Variants in AKAP7 observed in about 807,000 individuals in gnomAD.
The protein encoded by AKAP7 is A-kinase anchoring protein 7.
AKAP7 carries 39 observed loss-of-function variants against 39.5 expected under a neutral mutation model. That is an observed-to-expected ratio of 0.99 (90% CI 0.76 to 1.29). The LOEUF (loss-of-function observed/expected upper bound fraction) is 1.29. AKAP7 is among the 50% of genes most tolerant of loss of function. The pLI is 0.00. For synonymous variants in AKAP7, 140 were observed against 139.1 expected, an observed-to-expected ratio of 1.01 and a Z score of -0.05; for missense variants, 414 against 407.7, an observed-to-expected ratio of 1.02 and a Z score of -0.13.
At chr6:131,130,704 C>T (rs747167758), upstream of AKAP7, among the ~76,000 whole-genome samples, 4 of 152,132 alleles carry the variant, frequency 2.6e-5, no homozygotes, top group Non-Finnish European at 5.9e-5. Flanking sequence ...GAGGACTTTC[C>T]GGAGTCAAGA....
chr6:131,169,390 AT>A, intron 5 of AKAP7, 117 bp downstream of exon 5: 3 of 1,131,728 alleles, frequency 2.7e-6, no homozygotes, highest in Non-Finnish European at 3.9e-6. Flanking sequence ...AGACTCAAGT[AT>A]TTTTTAGGAC....
intron 7 of AKAP7, among the ~76,000 whole-genome samples, chr6:131,271,097 T>A (rs1814237095): frequency 6.6e-6 from 1 of 152,204 alleles, no homozygotes; most frequent in African/African-American, 2.4e-5. Flanking sequence ...CTCTTTTTTT[T>A]AAAGTTTGTG....
At chr6:131,158,042 A>G (rs1294219753) in intron 2 of AKAP7, among the ~76,000 whole-genome samples, 2 of 152,182 alleles carry the variant, frequency 1.3e-5, no homozygotes, top group Non-Finnish European at 2.9e-5. Context: ...ACGCTGTACT[A>G]TTTTTCTTAG....
intron 7 of AKAP7, among the ~76,000 whole-genome samples, chr6:131,240,727 T>G (rs548228743): frequency 2.6e-5 from 4 of 152,228 alleles, no homozygotes; most frequent in Non-Finnish European, 5.9e-5. Flanking sequence ...TATAATCTCC[T>G]GGTATGCTGT....
chr6:131,157,749 G>A (rs1221056332), intron 2 of AKAP7, among the ~76,000 whole-genome samples: 2 of 152,166 alleles, frequency 1.3e-5, no homozygotes, highest in African/African-American at 2.4e-5. Flanking sequence ...GGTTAGGTGT[G>A]TAAAAGAAGC....
At chr6:131,154,098 C>T (rs916352655) in intron 2 of AKAP7, among the ~76,000 whole-genome samples, 3 of 152,082 alleles carry the variant, frequency 2.0e-5, no homozygotes, top group Non-Finnish European at 2.9e-5. Flanking sequence ...ATTCCAGTTA[C>T]TCGGGAGGCT....
At chr6:131,250,504 C>A in intron 7 of AKAP7, 1 of 1,612,600 alleles carries the variant, frequency 6.2e-7, no homozygotes, top group Non-Finnish European at 8.5e-7. Context: ...GTGCTATAAA[C>A]TGCAATTTCT....
chr6:131,161,777 G>A (rs1192149927), intron 3 of AKAP7, among the ~76,000 whole-genome samples: 1 of 149,660 alleles, frequency 6.7e-6, no homozygotes, highest in East Asian at 2.0e-4. Flanking sequence ...ATACTTGCAA[G>A]TTTGGTTTGA....
intron 5 of AKAP7, among the ~76,000 whole-genome samples, chr6:131,184,104 C>A (rs1011603932): frequency 2.6e-5 from 4 of 152,168 alleles, no homozygotes; most frequent in African/African-American, 9.7e-5. Flanking sequence ...CACAGGTATG[C>A]CTTGGGGCAG....
At chr6:131,242,123 C>G in intron 7 of AKAP7, 1 of 983,920 alleles carries the variant, frequency 1.0e-6, no homozygotes, top group Non-Finnish European at 1.2e-6. Flanking sequence ...GAGAAAACAA[C>G]AGTTTGTCAA....
chr6:131,245,243 CTTT>C (rs1240021057), intron 7 of AKAP7, among the ~76,000 whole-genome samples: 1 of 135,212 alleles, frequency 7.4e-6, no homozygotes, highest in Non-Finnish European at 1.6e-5. Context: ...GAGTTGAATT[CTTT>C]TTTTTTTTTT....
chr6:131,257,021 G>T (rs1305313615), intron 7 of AKAP7, among the ~76,000 whole-genome samples: 2 of 152,098 alleles, frequency 1.3e-5, no homozygotes, highest in African/African-American at 4.8e-5. Flanking sequence ...AAATGGCTCA[G>T]TTTGCACTTT....
At chr6:131,226,540 G>A (rs1344895303) in intron 7 of AKAP7, among the ~76,000 whole-genome samples, 1 of 152,184 alleles carries the variant, frequency 6.6e-6, no homozygotes, top group African/African-American at 2.4e-5. Context: ...AGATATTTTA[G>A]GATTATGAAA....
chr6:131,131,640 C>G (rs551369098), upstream of AKAP7, among the ~76,000 whole-genome samples: 14 of 152,082 alleles, frequency 9.2e-5, no homozygotes, highest in East Asian at 2.7e-3. Context: ...TAGTCTTTGC[C>G]TTCTAGTGGC....
intron 5 of AKAP7, among the ~76,000 whole-genome samples, chr6:131,190,343 A>C (rs1037252871): frequency 6.6e-6 from 1 of 152,168 alleles, no homozygotes. Context: ...GAAATCAATA[A>C]ATTGAAAAGT....
At chr6:131,244,796 T>C (rs1219550536) in intron 7 of AKAP7, among the ~76,000 whole-genome samples, 4 of 152,198 alleles carry the variant, frequency 2.6e-5, no homozygotes, top group Non-Finnish European at 5.9e-5. Context: ...GCACATATGC[T>C]GTATATGGCA....
intron 5 of AKAP7, among the ~76,000 whole-genome samples, chr6:131,193,531 T>A (rs2128275536): frequency 1.3e-5 from 2 of 152,216 alleles, no homozygotes; most frequent in South Asian, 4.1e-4. Flanking sequence ...CTTTGATGTG[T>A]CTTTGTCTGG....
intron 1 of AKAP7, among the ~76,000 whole-genome samples, chr6:131,144,999 GC>G (rs1459635848): frequency 6.6e-6 from 1 of 152,176 alleles, no homozygotes; most frequent in African/African-American, 2.4e-5. Flanking sequence ...TTAAAATATA[GC>G]TGTAAAAGAT....
intron 1 of AKAP7, chr6:131,136,943 C>G: frequency 1.2e-6 from 1 of 820,896 alleles, no homozygotes; most frequent in Non-Finnish European, 1.5e-6. Context: ...TATGTATGTA[C>G]TTATGTATGT....
Sources: allele counts gnomAD v4.1 joint callset (sites outside exome capture counted in the v4.1 genomes callset), GRCh38; gene constraint gnomAD v4.1.1; transcripts MANE v1.5; gene names NCBI Gene and HGNC (gene_info 2026-07-23, HGNC 2026-07-21).